The following JARID2 variants were observed in gnomAD, a reference collection of about 807,000 sequenced individuals.
JARID2 encodes protein Jumonji.
A neutral mutation model predicts 125.6 loss-of-function variants in JARID2; 21 were observed. That is an observed-to-expected ratio of 0.17 (90% confidence interval 0.12 to 0.24). The LOEUF (loss-of-function observed/expected upper bound fraction) is 0.24. JARID2 is among the 10% of genes least tolerant of loss of function. The probability of loss-of-function intolerance (pLI) is 1.00; values close to 1 mark genes in which losing one functional copy is unlikely to be tolerated. For missense variants in JARID2, 1,303 were observed against 1,639.6 expected (o/e 0.79, Z 3.55); for synonymous variants, 736 against 661.6 (o/e 1.11, Z -1.73).
chr6:15,273,070 A>T (rs1207290075), intron 1 of JARID2, among the ~76,000 whole-genome samples: 1 of 152,134 alleles, frequency 6.6e-6, no homozygotes, highest in African/African-American at 2.4e-5. Context: ...CAGTTAGGGG[A>T]TTCAGCATAT....
intron 1 of JARID2, among the ~76,000 whole-genome samples, chr6:15,320,883 T>TGTGTGTGTGTGTG (rs773153042): frequency 1.2e-3 from 182 of 151,240 alleles, no homozygotes; most frequent in Non-Finnish European, 2.0e-3. Flanking sequence ...TGTGTGTGTG[T>TGTGTGTGTGTGTG]TAGTTAAACT....
chr6:15,381,242 T>C (rs1220074744), intron 2 of JARID2, among the ~76,000 whole-genome samples: 2 of 147,740 alleles, frequency 1.4e-5, no homozygotes, highest in African/African-American at 5.0e-5. Context: ...GCCTGTAGGC[T>C]GAGGCAGGAG....
chr6:15,300,132 T>C lies in JARID2; in HGVS notation c.45+53548T>C, dbSNP rs143470653. Among the ~76,000 whole-genome samples, 41 of 152,346 alleles carry C rather than the reference T, an allele frequency of 2.7e-4. No individual in the cohort carries two copies. In the East Asian group the frequency reaches 7.7e-3, roughly 29 times the overall value. On this transcript the variant is annotated intron_variant, in intron 1 of 17. Transcript: ENST00000341776. ...ACCTCTGATTTAGGGTGTGCTTCTT[T>C]ATCTCCTGCATTTGGGGTTGGGATA... is the stretch of plus-strand genomic sequence containing the variant.
intron 1 of JARID2, among the ~76,000 whole-genome samples, chr6:15,300,015 AT>A (rs1470986707): frequency 1.3e-5 from 2 of 152,176 alleles, no homozygotes; most frequent in Non-Finnish European, 2.9e-5. Context: ...CCAAAAGGTT[AT>A]AATGTCCCCA....
chr6:15,469,902 G>A (rs1768986821), intron 5 of JARID2, among the ~76,000 whole-genome samples: 1 of 152,256 alleles, frequency 6.6e-6, no homozygotes, highest in African/African-American at 2.4e-5. Flanking sequence ...AAAGAGGCTG[G>A]GCGAGGTGGC....
At chr6:15,508,929 A>G (rs1220108023) in intron 12 of JARID2, 2 of 1,285,178 alleles carry the variant, frequency 1.6e-6, no homozygotes, top group East Asian at 5.6e-5. Context: ...GTAACTGAAT[A>G]TAAACCGTGG....
At chr6:15,326,795 C>G (rs1762547957) in intron 1 of JARID2, among the ~76,000 whole-genome samples, 1 of 152,234 alleles carries the variant, frequency 6.6e-6, no homozygotes, top group Admixed American at 6.5e-5. Flanking sequence ...GCCACCACGT[C>G]CAGCACAGCA....
chr6:15,337,870 C>A (rs967010703), intron 1 of JARID2, among the ~76,000 whole-genome samples: 5 of 152,124 alleles, frequency 3.3e-5, no homozygotes, highest in Non-Finnish European at 7.3e-5. Context: ...AATGCTTTTT[C>A]AGTCCCAAAC....
intron 1 of JARID2, among the ~76,000 whole-genome samples, chr6:15,341,700 T>C (rs912899952): frequency 3.3e-5 from 5 of 152,240 alleles, no homozygotes; most frequent in Non-Finnish European, 5.9e-5. Context: ...TTATTGTTAG[T>C]AAATGGCAAA....
intron 3 of JARID2, among the ~76,000 whole-genome samples, chr6:15,429,787 CGA>C (rs973642289): frequency 3.9e-5 from 6 of 152,004 alleles, no homozygotes; most frequent in African/African-American, 9.7e-5. Context: ...TCCGGCCCTG[CGA>C]GAGAGAGAAA....
At chr6:15,451,731 G>A (rs1246003768) in intron 3 of JARID2, among the ~76,000 whole-genome samples, 1 of 152,166 alleles carries the variant, frequency 6.6e-6, no homozygotes, top group Non-Finnish European at 1.5e-5. Context: ...AACATAGTGT[G>A]TACATAGGCA....
rs1221692187 is a variant in JARID2, at chr6:15,501,205, C to T, written c.2244C>T (p.Phe748=). 2 of 1,614,072 alleles carry T rather than the reference C, an allele frequency of 1.2e-6. No individual in the cohort carries two copies. The highest frequency in any genetic ancestry group is 1.7e-5 in the Admixed American group (1 of 60,026). ...EGHTENDHHK[F]HPLPRFEPKN... Reference sequence around the variant, plus strand: ...ACACAGAGAACGACCACCACAAGTTCCACCCTCTGCCCCGCTTCGAGCCCA... The same window carrying T: ...ACACAGAGAACGACCACCACAAGTTTCACCCTCTGCCCCGCTTCGAGCCCA... The change falls in exon 8 of 18, where the codon TTC becomes TTT. Residue 748 remains phenylalanine, a synonymous_variant. Coordinates refer to ENST00000341776, the MANE Select transcript of JARID2 (RefSeq NM_004973.4).
intron 3 of JARID2, among the ~76,000 whole-genome samples, chr6:15,414,470 T>G (rs978450740): frequency 1.3e-5 from 2 of 152,210 alleles, no homozygotes; most frequent in African/African-American, 4.8e-5. Flanking sequence ...TTTTGGAGTT[T>G]CCTCAAATTT....
intron 17 of JARID2, among the ~76,000 whole-genome samples, chr6:15,517,825 G>A (rs1771638176): frequency 6.6e-6 from 1 of 152,238 alleles, no homozygotes; most frequent in Non-Finnish European, 1.5e-5. Flanking sequence ...TGGCAGCAGT[G>A]CCTCTCCCCT....
intron 3 of JARID2, among the ~76,000 whole-genome samples, chr6:15,429,336 G>A (rs529017221): frequency 1.2e-4 from 18 of 151,976 alleles, no homozygotes; most frequent in South Asian, 1.0e-3. Context: ...GTCATCATAG[G>A]CTAACTACAA....
At chr6:15,286,737 C>T (rs1480145283) in intron 1 of JARID2, among the ~76,000 whole-genome samples, 2 of 151,758 alleles carry the variant, frequency 1.3e-5, no homozygotes, top group East Asian at 2.0e-4. Flanking sequence ...TGGCAGGCGC[C>T]TGTAGTCCCA....
intron 2 of JARID2, chr6:15,401,094 T>G (rs1474118737): frequency 7.8e-7 from 1 of 1,288,566 alleles, no homozygotes; most frequent in African/African-American, 1.5e-5. Context: ...GTTGGAGAAA[T>G]AGGCCTTTGT....
intron 6 of JARID2, among the ~76,000 whole-genome samples, chr6:15,493,568 G>C (rs1210358604): frequency 2.0e-5 from 3 of 152,156 alleles, no homozygotes; most frequent in African/African-American, 7.2e-5. Context: ...AAAGGAGATT[G>C]AGCCAACTGT....
At chr6:15,396,700 T>C (rs558415177) in intron 2 of JARID2, among the ~76,000 whole-genome samples, 4 of 152,354 alleles carry the variant, frequency 2.6e-5, no homozygotes, top group African/African-American at 7.2e-5. Context: ...TTAAAAGTTA[T>C]GAATTGTTTA....
Sources: gnomAD v4.1 joint callset for allele counts (sites outside exome capture counted in the v4.1 genomes callset) on GRCh38, gnomAD v4.1.1 for gene constraint, MANE v1.5 for transcripts, NCBI Gene and HGNC (gene_info 2026-07-23, HGNC 2026-07-21) for gene names.